Variants in ACVRL1 observed in about 807,000 individuals in gnomAD.
ACVRL1 encodes the protein activin receptor type-1-like.
ACVRL1 carries 20 observed loss-of-function variants against 51.9 expected under a neutral mutation model. The observed-to-expected ratio is 0.39, with a 90% CI of 0.27 to 0.56. The LOEUF is 0.56. Ranked by LOEUF, ACVRL1 falls within the 20% of genes least tolerant of loss-of-function variation. The pLI is 0.67. For synonymous variants in ACVRL1, 288 were observed against 280.9 expected (o/e 1.03, Z -0.25); for missense variants, 451 against 670.3 (o/e 0.67, Z 3.61).
At chr12:51,915,158 C>G (rs1451267973) in intron 6 of ACVRL1, 67 bp from the exon 7 acceptor site, 9 of 1,577,126 alleles carry the variant, frequency 5.7e-6, no homozygotes, top group Non-Finnish European at 6.1e-6. Flanking sequence ...CCCACCCTGA[C>G]CCTGACGACT....
At chr12:51,912,204 T>C in intron 1 of ACVRL1, 2 of 603,866 alleles carry the variant, frequency 3.3e-6, no homozygotes, top group Non-Finnish European at 5.9e-6. Context: ...GCAGCAGGAG[T>C]GCAGAGCTAG....
At chr12:51,919,139 A>C (rs1323321346) in intron 9 of ACVRL1, 24 bp downstream of exon 9, 2 of 1,613,408 alleles carry the variant, frequency 1.2e-6, no homozygotes, top group South Asian at 2.2e-5. Context: ...TGGGACTAGG[A>C]TGGCGTGGGG....
upstream of ACVRL1, among the ~76,000 whole-genome samples, chr12:51,907,247 T>G: frequency 6.7e-6 from 1 of 149,042 alleles, no homozygotes; most frequent in East Asian, 2.1e-4. The surrounding 1 kb of genome is among the most constrained non-coding windows in gnomAD (Gnocchi z 4.5). Context: ...GCCCGCCCCC[T>G]CGGGGAGGCG....
At chr12:51,912,607 C>T in intron 2 of ACVRL1, 72 bp downstream of exon 2, 1 of 1,295,088 alleles carries the variant, frequency 7.7e-7, no homozygotes, top group East Asian at 2.3e-5. Context: ...CAGATCAGCT[C>T]TGCCTGGGGC....
At chr12:51,918,273 C>T (rs141257417) in intron 8 of ACVRL1, among the ~76,000 whole-genome samples, 2 of 152,344 alleles carry the variant, frequency 1.3e-5, no homozygotes, top group East Asian at 1.9e-4. Flanking sequence ...AAGATAAGTG[C>T]AGCTCAGAGG....
intron 1 of ACVRL1, among the ~76,000 whole-genome samples, chr12:51,909,669 G>A (rs1206737250): frequency 2.6e-5 from 4 of 151,338 alleles, no homozygotes; most frequent in African/African-American, 9.7e-5. Context: ...AATGACCAAG[G>A]AATGATTTAT....
In ACVRL1 at chr12:51,913,591, G is replaced by A; in HGVS notation, c.346G>A (p.Asp116Asn). Residue 116 changes from aspartate (D) to asparagine (N), a missense_variant, in exon 4 of 10, where the codon GAT becomes AAT. Asp to Asn is a conservative substitution (Grantham distance 23). This residue lies in a region of ACVRL1 where 192 missense variants were observed against 216.9 expected (regional missense o/e 0.89). Coordinates refer to ENST00000388922, the MANE Select transcript of ACVRL1 (RefSeq NM_000020.3). ...ACCTCCTTCGGAGCAGCCGGGAACA[G>A]ATGGCCAGCTGGCCCTGATCCTGGG... ...TQPPSEQPGT[D>N]GQLALILGPV... is the part of the protein sequence containing the mutation. 6.2e-7 allele frequency: 1 copy of A among 1,600,330 alleles called. No individual in the cohort carries two copies. The highest frequency in any genetic ancestry group is 2.2e-5 in the East Asian group (1 of 44,866).
Position 51,915,338 on chromosome 12 carries a change from C to T in ACVRL1, c.886C>T (p.Pro296Ser), listed in dbSNP as rs1394232308. 1.2e-6 allele frequency: 2 copies of T among 1,614,064 alleles called. No individual in the cohort carries two copies. The highest frequency in any genetic ancestry group is 1.7e-6 in the Non-Finnish European group (2 of 1,180,062). Residue 296 changes from proline to serine, a missense_variant, in exon 7 of 10, where the codon CCC (proline) becomes TCC (serine). By Grantham distance (74) the Pro-to-Ser change is moderately conservative (BLOSUM62 -1). This residue lies in a region of ACVRL1 where 259 missense variants were observed against 453.4 expected (regional missense o/e 0.57). Coordinates refer to ENST00000388922, the MANE Select transcript of ACVRL1 (RefSeq NM_000020.3). The part of the protein sequence containing the change: ...YDFLQRQTLE[P>S]HLALRLAVSA... ...CTTTCTGCAGAGACAGACGCTGGAGCCCCATCTGGCTCTGAGGCTAGCTGT... is the reference window on the plus strand; with the variant it reads ...CTTTCTGCAGAGACAGACGCTGGAGTCCCATCTGGCTCTGAGGCTAGCTGT...
intron 1 of ACVRL1, among the ~76,000 whole-genome samples, chr12:51,909,189 CAT>C (rs1388949473): frequency 1.3e-5 from 2 of 152,164 alleles, no homozygotes; most frequent in African/African-American, 4.8e-5. Context: ...GGGAGAAAAA[CAT>C]TGATAAGCAC....
intron 1 of ACVRL1, among the ~76,000 whole-genome samples, chr12:51,911,796 G>T (rs367566164): frequency 6.2e-4 from 94 of 152,306 alleles, no homozygotes; most frequent in African/African-American, 2.0e-3. Flanking sequence ...TGTCATGTGG[G>T]TGTCCCAGGC....
rs1940967305 is a variant in ACVRL1 at position 51,920,974 on chromosome 12, G to A, written c.*81G>A. The A allele has an allele frequency of 3.4e-6, 5 of 1,465,006 alleles. No homozygotes were observed. Among genetic ancestry groups the A allele is most frequent in the Admixed American group, 2.0e-5 (1 of 50,854 alleles). The allele number at this position is 1,465,006 out of a possible 1,614,324, so 90.8% of individuals were successfully genotyped here. Reference sequence around the variant, plus strand: ...TGGATGGTGCCCTATCTGGGTAGAGGTAGTGTGAGTGTGGTGTGTGCTGGG... The same window carrying A: ...TGGATGGTGCCCTATCTGGGTAGAGATAGTGTGAGTGTGGTGTGTGCTGGG... On this transcript the variant is annotated 3_prime_UTR_variant, in exon 10 of 10. Coordinates refer to ENST00000388922, the MANE Select transcript of ACVRL1 (RefSeq NM_000020.3).
intron 8 of ACVRL1, among the ~76,000 whole-genome samples, chr12:51,916,996 T>C (rs1940856229): frequency 6.6e-6 from 1 of 152,068 alleles, no homozygotes; most frequent in African/African-American, 2.4e-5. Context: ...TTTATTAAAA[T>C]AAATAAATAA....
In ACVRL1 at chr12:51,920,965, TG is replaced by T; in HGVS notation, c.*75del. ...GGGGGGCAGTGGATGGTGCCCTATC[TG>T]GGTAGAGGTAGTGTGAGTGTGGTGT... On this transcript the variant is annotated 3_prime_UTR_variant, in exon 10 of 10. Transcript: ENST00000388922. The T allele has an allele frequency of 6.8e-7, 1 of 1,473,758 alleles. No individual in the cohort carries two copies. The allele number at this position is 1,473,758 out of a possible 1,614,324, so 91.3% of individuals were successfully genotyped here.
chr12:51,909,899 G>A (rs1284166096), intron 1 of ACVRL1, among the ~76,000 whole-genome samples: 1 of 152,202 alleles, frequency 6.6e-6, no homozygotes, highest in Non-Finnish European at 1.5e-5. Context: ...TTTAACGTCT[G>A]TAATTTCTGG....
intron 5 of ACVRL1, 131 bp from the exon 6 acceptor site, chr12:51,914,308 A>G: frequency 7.1e-7 from 1 of 1,411,588 alleles, no homozygotes; most frequent in African/African-American, 1.4e-5. Context: ...GGTCTGGATT[A>G]AGTTAAACCT....
chr12:51,911,866 G>A (rs1405009431), intron 1 of ACVRL1, among the ~76,000 whole-genome samples: 2 of 152,210 alleles, frequency 1.3e-5, no homozygotes, highest in African/African-American at 2.4e-5. Flanking sequence ...TCCAGACCTT[G>A]TGGCTGCTGC....
At chr12:51,909,586 C>T (rs1336001652) in intron 1 of ACVRL1, among the ~76,000 whole-genome samples, 3 of 148,172 alleles carry the variant, frequency 2.0e-5, no homozygotes, top group African/African-American at 7.5e-5. Flanking sequence ...GCAATTTGTA[C>T]ACGTCCACCG....
At chr12:51,915,674 C>T (rs1405978398) in intron 7 of ACVRL1, 174 bp downstream of exon 7, 1 of 915,116 alleles carries the variant, frequency 1.1e-6, no homozygotes, top group Non-Finnish European at 1.6e-6. Flanking sequence ...TTTTCAAACC[C>T]AGATTCCTTC....
chr12:51,912,982 G>A, intron 2 of ACVRL1, 117 bp from the exon 3 acceptor site: 2 of 1,426,606 alleles, frequency 1.4e-6, no homozygotes, highest in Non-Finnish European at 1.9e-6. Flanking sequence ...AGAGACCAAA[G>A]CTTCAAGGTG....
Sources: allele counts gnomAD v4.1 joint callset (sites outside exome capture counted in the v4.1 genomes callset), GRCh38; gene constraint gnomAD v4.1.1; regional missense constraint gnomAD v4.1.1; non-coding constraint Gnocchi (gnomAD v3.1); transcripts MANE v1.5; gene names NCBI Gene and HGNC (gene_info 2026-07-23, HGNC 2026-07-21).